ROBO2: variants seen among roughly 807,000 people sequenced by gnomAD.
ROBO2 encodes roundabout homolog 2.
Under a neutral mutation model 160.8 loss-of-function variants are expected in ROBO2, and 53 were observed. The observed-to-expected ratio is 0.33, with a 90% CI of 0.26 to 0.41. The LOEUF (loss-of-function observed/expected upper bound fraction) is 0.41, where lower values mean the gene tolerates loss of function less well. ROBO2 is among the 10% of genes least tolerant of loss of function. The pLI is 1.00. For synonymous variants in ROBO2, 664 were observed against 611.7 expected (o/e 1.09, Z -1.26); for missense variants, 1,577 against 1,722.4 (o/e 0.92, Z 1.49).
intron 2 of ROBO2, among the ~76,000 whole-genome samples, chr3:76,953,337 A>G (rs1485175574): frequency 6.6e-6 from 1 of 152,208 alleles, no homozygotes; most frequent in Non-Finnish European, 1.5e-5. Context: ...ACATGTATAT[A>G]AAGAGCTTAG....
chr3:76,665,525 C>G (rs967187008), intron 2 of ROBO2, among the ~76,000 whole-genome samples: 2 of 151,810 alleles, frequency 1.3e-5, no homozygotes, highest in African/African-American at 4.8e-5. Context: ...TCCATCCTCA[C>G]TATACCCAGA....
intron 6 of ROBO2, among the ~76,000 whole-genome samples, chr3:77,540,622 A>C (rs1175272738): frequency 6.6e-6 from 1 of 152,180 alleles, no homozygotes; most frequent in Non-Finnish European, 1.5e-5. Context: ...GAGCTAACGC[A>C]TGCTGCGGTT....
intron 2 of ROBO2, among the ~76,000 whole-genome samples, chr3:76,193,266 A>G (rs1049762399): frequency 2.0e-5 from 3 of 152,036 alleles, no homozygotes; most frequent in Non-Finnish European, 4.4e-5. Flanking sequence ...TCACTTTCAG[A>G]TATGTTTCTG....
At chr3:76,867,156 T>C (rs555060858) in intron 2 of ROBO2, among the ~76,000 whole-genome samples, 1 of 152,322 alleles carries the variant, frequency 6.6e-6, no homozygotes, top group South Asian at 2.1e-4. Context: ...ATTACTGTTA[T>C]TTTGTAAGAC....
intron 2 of ROBO2, among the ~76,000 whole-genome samples, chr3:76,132,622 T>G (rs999047269): frequency 6.6e-6 from 1 of 152,130 alleles, no homozygotes; most frequent in African/African-American, 2.4e-5. Flanking sequence ...TATTATGCAG[T>G]AATTTTACTA....
chr3:77,584,318 C>T (rs560556657), intron 16 of ROBO2, among the ~76,000 whole-genome samples: 205 of 152,262 alleles, frequency 1.3e-3, no homozygotes, highest in African/African-American at 4.6e-3. Context: ...CAGATTTCCT[C>T]TGGTAAAGCG....
chr3:76,655,099 T>C (rs1289226135), intron 2 of ROBO2, among the ~76,000 whole-genome samples: 1 of 150,890 alleles, frequency 6.6e-6, no homozygotes, highest in Non-Finnish European at 1.5e-5. Flanking sequence ...TTAAATTTTA[T>C]GAATAGTATG....
intron 2 of ROBO2, among the ~76,000 whole-genome samples, chr3:77,031,923 C>A (rs976856456): frequency 6.6e-6 from 1 of 151,996 alleles, no homozygotes; most frequent in Non-Finnish European, 1.5e-5. Context: ...AAGATCAAGG[C>A]ACTAGCAGAT....
intron 2 of ROBO2, among the ~76,000 whole-genome samples, chr3:75,968,085 C>T (rs147795222): frequency 9.6e-4 from 145 of 151,534 alleles, no homozygotes; most frequent in African/African-American, 3.3e-3. Flanking sequence ...AAAATGGTTG[C>T]GATCAAGGTG....
At chr3:77,445,945 A>G (rs921914234) in intron 2 of ROBO2, among the ~76,000 whole-genome samples, 1 of 151,884 alleles carries the variant, frequency 6.6e-6, no homozygotes, top group African/African-American at 2.4e-5. Flanking sequence ...TGTAACTCCA[A>G]TTACCCTGAG....
intron 2 of ROBO2, among the ~76,000 whole-genome samples, chr3:76,867,357 G>A (rs541248532): frequency 6.6e-6 from 1 of 152,168 alleles, no homozygotes; most frequent in Admixed American, 6.5e-5. Context: ...GTACACTCAG[G>A]GATCATTTTC....
intron 2 of ROBO2, among the ~76,000 whole-genome samples, chr3:75,994,947 G>A (rs529083812): frequency 2.0e-5 from 3 of 152,290 alleles, no homozygotes; most frequent in South Asian, 2.1e-4. Context: ...AGAGACTGGC[G>A]GCATTTTGCC....
intron 5 of ROBO2, among the ~76,000 whole-genome samples, chr3:77,501,505 A>G (rs545559121): frequency 8.1e-4 from 124 of 152,278 alleles, no homozygotes; most frequent in African/African-American, 2.9e-3. Context: ...AATTTAAGAG[A>G]TCAATGTTCT....
intron 2 of ROBO2, among the ~76,000 whole-genome samples, chr3:77,318,241 C>A (rs1482114315): frequency 6.6e-6 from 1 of 151,966 alleles, no homozygotes. Flanking sequence ...GCCATGTTGG[C>A]CCGGCTGGTC....
intron 2 of ROBO2, among the ~76,000 whole-genome samples, chr3:77,326,898 C>G (rs1225425770): frequency 6.6e-6 from 1 of 152,128 alleles, no homozygotes; most frequent in Non-Finnish European, 1.5e-5. Flanking sequence ...ATTTGAATTC[C>G]TCTTAAATAT....
chr3:75,958,929 T>C (rs1461362718), intron 2 of ROBO2, among the ~76,000 whole-genome samples: 2 of 151,754 alleles, frequency 1.3e-5, no homozygotes, highest in Non-Finnish European at 2.9e-5. Flanking sequence ...TGAGGTGAGG[T>C]ATCCAATTTC....
At chr3:76,066,338 C>T (rs2068253201) in intron 2 of ROBO2, among the ~76,000 whole-genome samples, 1 of 152,134 alleles carries the variant, frequency 6.6e-6, no homozygotes, top group Non-Finnish European at 1.5e-5. Context: ...CAATTTATAA[C>T]TTAGAATGGA....
chr3:75,933,755 C>T (rs1303308612), intron 1 of ROBO2, among the ~76,000 whole-genome samples: 2 of 152,042 alleles, frequency 1.3e-5, no homozygotes, highest in East Asian at 1.9e-4. Context: ...TGGAACCATT[C>T]GGGGAGGGCA....
intron 2 of ROBO2, among the ~76,000 whole-genome samples, chr3:76,858,929 G>A (rs2070441324): frequency 6.6e-6 from 1 of 152,172 alleles, no homozygotes; most frequent in African/African-American, 2.4e-5. Context: ...TGTGCTGTTG[G>A]ACATATAGTG....
Sources: gnomAD v4.1 joint callset for allele counts (sites outside exome capture counted in the v4.1 genomes callset) on GRCh38, gnomAD v4.1.1 for gene constraint, MANE v1.5 for transcripts, NCBI Gene and HGNC (gene_info 2026-07-23, HGNC 2026-07-21) for gene names.